TMEM132D: variants seen among roughly 807,000 people sequenced by gnomAD.
TMEM132D encodes the protein transmembrane protein 132D, also known as mature OL transmembrane protein.
In TMEM132D, 21 loss-of-function variants were observed where a neutral mutation model predicts 62.3. The observed-to-expected ratio is 0.34, with a 90% CI of 0.24 to 0.49. The LOEUF is 0.49. Among genes scored for constraint, TMEM132D ranks in the 20% least tolerant of loss-of-function variants. The probability of loss-of-function intolerance (pLI) is 0.99; values close to 1 mark genes in which losing one functional copy is unlikely to be tolerated. For synonymous variants in TMEM132D, 621 were observed against 575.6 expected (o/e 1.08, Z -1.13); for missense variants, 1,346 against 1,402.8 (o/e 0.96, Z 0.65).
intron 3 of TMEM132D, among the ~76,000 whole-genome samples, chr12:129,524,927 C>CTTTTTTTTTT (rs372985812): frequency 1.2e-5 from 1 of 85,954 alleles, no homozygotes; most frequent in African/African-American, 4.2e-5. Context: ...TTTCTTTTTT[C>CTTTTTTTTTT]TTTTTTTTTT....
intron 2 of TMEM132D, among the ~76,000 whole-genome samples, chr12:129,597,775 A>C (rs898109448): frequency 4.6e-5 from 7 of 152,232 alleles, no homozygotes; most frequent in African/African-American, 1.7e-4. Context: ...TCACATCATC[A>C]AATGCCCCAA....
chr12:129,680,417 CCT>C (rs1468565274), intron 2 of TMEM132D, among the ~76,000 whole-genome samples: 3 of 152,062 alleles, frequency 2.0e-5, no homozygotes, highest in Non-Finnish European at 4.4e-5. Flanking sequence ...TTACCTGTTC[CCT>C]CTGTGTTCTT....
At chr12:129,422,987 A>G (rs1310299480) in intron 3 of TMEM132D, among the ~76,000 whole-genome samples, 5 of 151,886 alleles carry the variant, frequency 3.3e-5, no homozygotes, top group Admixed American at 2.0e-4. Flanking sequence ...GTGGAACAAC[A>G]TGGCTGTCTA....
intron 4 of TMEM132D, 99 bp downstream of exon 4, chr12:129,337,535 T>C: frequency 1.4e-6 from 2 of 1,435,518 alleles, no homozygotes; most frequent in Non-Finnish European, 1.9e-6. Context: ...GATTCTTGGC[T>C]CCTCCCCTTT....
At chr12:129,645,631 G>A (rs1415712699) in intron 2 of TMEM132D, among the ~76,000 whole-genome samples, 2 of 152,076 alleles carry the variant, frequency 1.3e-5, no homozygotes, top group Non-Finnish European at 2.9e-5. Context: ...AACACCCTTA[G>A]AATTATTGAT....
At chr12:129,276,142 C>T (rs975936885) in intron 4 of TMEM132D, among the ~76,000 whole-genome samples, 5 of 152,202 alleles carry the variant, frequency 3.3e-5, no homozygotes, top group Admixed American at 6.5e-5. Context: ...CCTCCACCCT[C>T]CCTAACCCCT....
chr12:129,487,204 G>C (rs573249601), intron 3 of TMEM132D, among the ~76,000 whole-genome samples: 1 of 152,216 alleles, frequency 6.6e-6, no homozygotes, highest in African/African-American at 2.4e-5. Context: ...GCATGGGAGA[G>C]ACAAGGCGTG....
At chr12:129,679,262 G>C (rs976041697) in intron 2 of TMEM132D, among the ~76,000 whole-genome samples, 2 of 151,752 alleles carry the variant, frequency 1.3e-5, no homozygotes, top group African/African-American at 2.4e-5. Context: ...TTTTGTGAAT[G>C]TTTATTCAAC....
chr12:129,401,555 C>A (rs1051976080), intron 3 of TMEM132D, among the ~76,000 whole-genome samples: 1 of 151,792 alleles, frequency 6.6e-6, no homozygotes, highest in Non-Finnish European at 1.5e-5. Flanking sequence ...GGTGACAGAG[C>A]GAGACGCTGC....
intron 4 of TMEM132D, among the ~76,000 whole-genome samples, chr12:129,312,306 T>C (rs1881995346): frequency 1.3e-5 from 2 of 152,124 alleles, no homozygotes; most frequent in Admixed American, 1.3e-4. Context: ...GACAATTTGC[T>C]GAGAGAATGA....
chr12:129,755,734 T>C (rs751595712), intron 1 of TMEM132D, among the ~76,000 whole-genome samples: 2 of 152,220 alleles, frequency 1.3e-5, no homozygotes, highest in Admixed American at 6.5e-5. Flanking sequence ...TTAGAGAGCA[T>C]ACTCTGTTTC....
intron 4 of TMEM132D, among the ~76,000 whole-genome samples, chr12:129,298,283 G>A (rs1593327945): frequency 6.6e-6 from 1 of 152,300 alleles, no homozygotes; most frequent in East Asian, 1.9e-4. Flanking sequence ...TAAACCTACA[G>A]CTTGCAAAGT....
chr12:129,526,476 G>C (rs1440308178), intron 3 of TMEM132D, among the ~76,000 whole-genome samples: 2 of 152,008 alleles, frequency 1.3e-5, no homozygotes, highest in Non-Finnish European at 2.9e-5. Context: ...GTAGAGACGG[G>C]GTTTCACCAT....
At chr12:129,518,673 CCAGTAAATTGAGAG>C (rs1004286487) in intron 3 of TMEM132D, among the ~76,000 whole-genome samples, 4 of 151,908 alleles carry the variant, frequency 2.6e-5, no homozygotes, top group Non-Finnish European at 5.9e-5. Flanking sequence ...TTTTAACATA[CCAGTAAATTGAGAG>C]CATTTCCTCA....
At chr12:129,576,852 C>T (rs911593828) in intron 2 of TMEM132D, among the ~76,000 whole-genome samples, 7 of 151,830 alleles carry the variant, frequency 4.6e-5, no homozygotes, top group South Asian at 4.1e-4. Context: ...AGAGAACGCT[C>T]GGAAAATCAT....
At chr12:129,142,684 G>A (rs1313708662) in intron 5 of TMEM132D, among the ~76,000 whole-genome samples, 2 of 152,212 alleles carry the variant, frequency 1.3e-5, no homozygotes, top group African/African-American at 2.4e-5. Context: ...CGACTGGTAA[G>A]TTGGACAAGA....
At chr12:129,312,172 C>T (rs1321889420) in intron 4 of TMEM132D, among the ~76,000 whole-genome samples, 1 of 152,076 alleles carries the variant, frequency 6.6e-6, no homozygotes, top group Non-Finnish European at 1.5e-5. Flanking sequence ...GATAAATAGT[C>T]AAATTCAAAG....
chr12:129,450,955 G>C (rs960763758), intron 3 of TMEM132D, among the ~76,000 whole-genome samples: 1 of 151,650 alleles, frequency 6.6e-6, no homozygotes, highest in African/African-American at 2.4e-5. Flanking sequence ...GTAAAGACAG[G>C]GTTTCACCAT....
chr12:129,099,605 T>C (rs530782653), intron 5 of TMEM132D, among the ~76,000 whole-genome samples: 7 of 152,152 alleles, frequency 4.6e-5, no homozygotes, highest in Non-Finnish European at 7.3e-5. Context: ...TTCACACGGG[T>C]GGCCGTGTTG....
Sources: allele counts gnomAD v4.1 joint callset (sites outside exome capture counted in the v4.1 genomes callset), GRCh38; gene constraint gnomAD v4.1.1; transcripts MANE v1.5; gene names NCBI Gene and HGNC (gene_info 2026-07-23, HGNC 2026-07-21).